The following DAB1 variants were observed in gnomAD, a reference collection of about 807,000 sequenced individuals.
DAB1 encodes the protein DAB adaptor protein 1.
In DAB1, 15 loss-of-function variants were observed where a neutral mutation model predicts 64.6. The ratio of observed to expected loss-of-function variants is 0.23; its 90% CI spans 0.16 to 0.36. DAB1 has a LOEUF of 0.36. Among genes scored for constraint, DAB1 ranks in the 10% least tolerant of loss-of-function variants. DAB1 has a pLI of 1.00. For missense variants in DAB1, 596 were observed against 706.7 expected (o/e 0.84, Z 1.78); for synonymous variants, 235 against 251.9 (o/e 0.93, Z 0.64).
chr1:57,880,380 C>T (rs1222707969), intron 1 of DAB1: 1 of 152,170 alleles, frequency 6.6e-6, no homozygotes, highest in Non-Finnish European at 1.5e-5. Flanking sequence ...AGGGCCCCCG[C>T]CCATAGAACC....
intron 6 of DAB1, among the ~76,000 whole-genome samples, chr1:57,753,832 G>C (rs1240466600): frequency 1.3e-5 from 2 of 152,214 alleles, no homozygotes; most frequent in East Asian, 1.9e-4. Flanking sequence ...GTCGGCATTT[G>C]AACCTGGATC....
intron 5 of DAB1, among the ~76,000 whole-genome samples, chr1:58,022,726 A>T (rs868089519): frequency 6.6e-6 from 1 of 152,236 alleles, no homozygotes; most frequent in Middle Eastern, 3.4e-3. Context: ...ATTTCCTCTA[A>T]ACTACGTAAT....
At chr1:58,476,965 T>G (rs1645424777) in intron 3 of DAB1, among the ~76,000 whole-genome samples, 1 of 152,174 alleles carries the variant, frequency 6.6e-6, no homozygotes, top group African/African-American at 2.4e-5. Flanking sequence ...GGACACACAT[T>G]GACTAATATT....
At chr1:57,743,818 C>T (rs950460924) in intron 6 of DAB1, among the ~76,000 whole-genome samples, 1 of 152,112 alleles carries the variant, frequency 6.6e-6, no homozygotes, top group Non-Finnish European at 1.5e-5. Context: ...AGAGATTTGC[C>T]CACATATTTA....
intron 6 of DAB1, among the ~76,000 whole-genome samples, chr1:57,703,617 C>T (rs759413828): frequency 1.3e-5 from 2 of 151,956 alleles, no homozygotes; most frequent in Non-Finnish European, 2.9e-5. Flanking sequence ...TTATTGTGGC[C>T]AATAGTGTGG....
intron 1 of DAB1, among the ~76,000 whole-genome samples, chr1:57,311,442 GA>G (rs5774336): frequency 0.54 from 81,027 of 150,034 alleles, 22,669 homozygotes; most frequent in African/African-American, 0.68. Context: ...AAAATGAAAA[GA>G]AAAAAAAAAT....
At chr1:57,664,719 G>A (rs1245747175) in intron 6 of DAB1, among the ~76,000 whole-genome samples, 1 of 151,876 alleles carries the variant, frequency 6.6e-6, no homozygotes, top group Non-Finnish European at 1.5e-5. Flanking sequence ...CAGTAACAGT[G>A]GTCTGGATAA....
intron 1 of DAB1, among the ~76,000 whole-genome samples, chr1:57,343,507 G>A (rs566590560): frequency 3.3e-5 from 5 of 152,318 alleles, no homozygotes; most frequent in South Asian, 2.1e-4. Context: ...AGGGGGCTGC[G>A]CTCATTGGGG....
At chr1:57,702,071 T>C (rs1441370991) in intron 6 of DAB1, among the ~76,000 whole-genome samples, 1 of 152,170 alleles carries the variant, frequency 6.6e-6, no homozygotes, top group Non-Finnish European at 1.5e-5. Context: ...TGAGGACATA[T>C]GTTTATGTCT....
intron 7 of DAB1, among the ~76,000 whole-genome samples, chr1:57,461,270 AT>A: frequency 6.6e-6 from 1 of 152,048 alleles, no homozygotes; most frequent in East Asian, 1.9e-4. Context: ...GTTGGGGAGA[AT>A]TTTCCCTCTT....
intron 1 of DAB1, among the ~76,000 whole-genome samples, chr1:57,843,496 C>T (rs2101918616): frequency 6.6e-6 from 1 of 152,256 alleles, no homozygotes. Context: ...ATATCAAAAG[C>T]ACCTGCTATA....
chr1:58,086,890 A>G (rs1408872327), intron 5 of DAB1, among the ~76,000 whole-genome samples: 2 of 151,982 alleles, frequency 1.3e-5, no homozygotes, highest in Admixed American at 1.3e-4. Flanking sequence ...TGATGTTCCA[A>G]CAACACATGG....
intron 4 of DAB1, among the ~76,000 whole-genome samples, chr1:58,304,882 T>C (rs561310371): frequency 1.3e-5 from 2 of 152,300 alleles, no homozygotes; most frequent in African/African-American, 4.8e-5. Flanking sequence ...CACATGCATA[T>C]GTTTATTCAA....
chr1:57,038,704 C>A (rs1375978165), intron 9 of DAB1, among the ~76,000 whole-genome samples: 1 of 152,166 alleles, frequency 6.6e-6, no homozygotes, highest in African/African-American at 2.4e-5. Context: ...GTTACATCTT[C>A]CCTTGAAGTG....
At chr1:57,357,818 C>T (rs1167200155) in intron 1 of DAB1, among the ~76,000 whole-genome samples, 1 of 151,884 alleles carries the variant, frequency 6.6e-6, no homozygotes, top group Admixed American at 6.6e-5. Context: ...TGAGAACTCA[C>T]TCACTATCAT....
At chr1:58,305,545 A>T (rs1339432222) in intron 4 of DAB1, among the ~76,000 whole-genome samples, 1 of 152,212 alleles carries the variant, frequency 6.6e-6, no homozygotes, top group Admixed American at 6.5e-5. Context: ...GTTACAAATA[A>T]TTTTGTGACA....
At chr1:58,276,240 A>C (rs1661440095) in intron 4 of DAB1, among the ~76,000 whole-genome samples, 1 of 152,204 alleles carries the variant, frequency 6.6e-6, no homozygotes, top group Non-Finnish European at 1.5e-5. Flanking sequence ...AGTGCATGAC[A>C]ATGTGAATAT....
chr1:57,574,182 A>G (rs1645223065), intron 7 of DAB1, among the ~76,000 whole-genome samples: 1 of 152,192 alleles, frequency 6.6e-6, no homozygotes, highest in Non-Finnish European at 1.5e-5. Flanking sequence ...CCTGGGGAGA[A>G]GGCCATGGTG....
intron 1 of DAB1, chr1:57,881,007 A>G (rs140332089): frequency 2.1e-4 from 32 of 152,350 alleles, no homozygotes; most frequent in African/African-American, 7.7e-4. Flanking sequence ...GAGTTGGAGC[A>G]TAAGTTGCTT....
Sources: gnomAD v4.1 joint callset for allele counts (sites outside exome capture counted in the v4.1 genomes callset) on GRCh38, gnomAD v4.1.1 for gene constraint, MANE v1.5 for transcripts, NCBI Gene and HGNC (gene_info 2026-07-23, HGNC 2026-07-21) for gene names.